AKAP6: variants seen among roughly 807,000 people sequenced by gnomAD.
AKAP6 encodes the protein A-kinase anchor protein 6.
In AKAP6, 58 loss-of-function variants were observed where a neutral mutation model predicts 188.5. That is an observed-to-expected ratio of 0.31 (90% CI 0.25 to 0.38). AKAP6 has a LOEUF of 0.38. Among genes scored for constraint, AKAP6 ranks in the 10% least tolerant of loss-of-function variants. The pLI, the probability that AKAP6 is intolerant of heterozygous loss-of-function variation, is 1.00. For synonymous variants in AKAP6, 989 were observed against 998.6 expected (o/e 0.99, Z 0.18); for missense variants, 2,710 against 2,740.0 (o/e 0.99, Z 0.24).
At chr14:32,661,989 C>T (rs942720144) in intron 7 of AKAP6, among the ~76,000 whole-genome samples, 3 of 151,988 alleles carry the variant, frequency 2.0e-5, no homozygotes, top group Non-Finnish European at 4.4e-5. Flanking sequence ...GAATATGACT[C>T]TCAATGATGA....
chr14:32,754,466 C>T (rs913271343), intron 11 of AKAP6, among the ~76,000 whole-genome samples: 2 of 152,048 alleles, frequency 1.3e-5, no homozygotes, highest in Non-Finnish European at 2.9e-5. Flanking sequence ...TATTCATTAC[C>T]AAACTATTTT....
Position 32,599,524 on chromosome 14 carries a change from A to G in AKAP6, c.2566+18A>G. 6.2e-7 allele frequency: 1 copy of G among 1,601,392 alleles called. No individual in the cohort carries two copies. Among genetic ancestry groups the G allele is most frequent in the Non-Finnish European group, 8.6e-7 (1 of 1,169,394 alleles). ...CAAAGCAGGTAAATCCTCCTGAAAT[A>G]TTGCAAGTCTTTACGTCTCCAGACT... is the stretch of plus-strand genomic sequence containing the variant. On this transcript the variant is annotated intron_variant, in intron 6 of 13. Coordinates refer to ENST00000280979, the MANE Select transcript of AKAP6 (RefSeq NM_004274.5).
intron 7 of AKAP6, among the ~76,000 whole-genome samples, chr14:32,604,205 A>AC (rs1220242860): frequency 6.6e-6 from 1 of 152,110 alleles, no homozygotes; most frequent in Non-Finnish European, 1.5e-5. Flanking sequence ...TTTTCATGTC[A>AC]CATTATGTGC....
At chr14:32,600,265 CATT>C (rs1885870637) in intron 6 of AKAP6, among the ~76,000 whole-genome samples, 2 of 152,136 alleles carry the variant, frequency 1.3e-5, no homozygotes, top group Non-Finnish European at 2.9e-5. Flanking sequence ...CAATTTTTAT[CATT>C]ATAAAGTCTC....
chr14:32,562,093 C>T (rs987716740), intron 4 of AKAP6, among the ~76,000 whole-genome samples: 29 of 152,108 alleles, frequency 1.9e-4, no homozygotes, highest in Non-Finnish European at 3.2e-4. Context: ...GCTTCATACG[C>T]TTTCCATTCT....
At chr14:32,588,210 T>C (rs1885335905) in intron 5 of AKAP6, among the ~76,000 whole-genome samples, 1 of 152,250 alleles carries the variant, frequency 6.6e-6, no homozygotes, top group South Asian at 2.1e-4. Context: ...GTTCAACAAC[T>C]GGCTTTTTCT....
intron 7 of AKAP6, among the ~76,000 whole-genome samples, chr14:32,624,210 G>T (rs1886924276): frequency 6.6e-6 from 1 of 152,138 alleles, no homozygotes; most frequent in Non-Finnish European, 1.5e-5. Flanking sequence ...AGTATTAGAA[G>T]ATACTTGTTG....
intron 5 of AKAP6, among the ~76,000 whole-genome samples, chr14:32,589,747 T>TGCA (rs1885404969): frequency 6.6e-6 from 1 of 152,242 alleles, no homozygotes; most frequent in Non-Finnish European, 1.5e-5. Context: ...AAATAATGAT[T>TGCA]GTTTTTAATT....
At chr14:32,610,651 T>C (rs897889424) in intron 7 of AKAP6, among the ~76,000 whole-genome samples, 1 of 152,114 alleles carries the variant, frequency 6.6e-6, no homozygotes, top group African/African-American at 2.4e-5. Flanking sequence ...AGAAGATGGA[T>C]TTTGTGGAGG....
At chr14:32,572,304 G>A (rs61983020) in intron 4 of AKAP6, among the ~76,000 whole-genome samples, 20,546 of 152,228 alleles carry the variant, frequency 0.13, 1,810 homozygotes, top group Non-Finnish European at 0.19. Context: ...ACTTCCTGCT[G>A]TATACTTCCC....
intron 12 of AKAP6, among the ~76,000 whole-genome samples, chr14:32,803,028 G>A (rs1193272464): frequency 6.6e-6 from 1 of 152,204 alleles, no homozygotes; most frequent in South Asian, 2.1e-4. Context: ...AACTCGGGAG[G>A]CAGAGGCTGC....
rs770780742 is a variant in AKAP6, at chr14:32,821,600, G to A, written c.3787G>A (p.Glu1263Lys). The change falls in exon 13 of 14, where the codon GAG becomes AAG. Residue 1263 changes from glutamate (E) to lysine (K), a missense_variant. By Grantham distance (56) the Glu-to-Lys change is moderately conservative (BLOSUM62 1). Around this residue, in one of 2 missense-constraint regions of AKAP6, gnomAD observed 2,473 missense variants for 2,426.1 expected, o/e 1.02. Transcript: ENST00000280979. The stretch of plus-strand genomic sequence containing the variant: ...AAGTAATGAGGACCCTGGTTATGAC[G>A]AGGAGGCTGATAACCATGGGGGATC... ...ETSNEDPGYD[E>K]EADNHGGSQY... 11 of 1,613,470 alleles carry A rather than the reference G, an allele frequency of 6.8e-6. No individual in the cohort carries two copies. Among genetic ancestry groups the A allele is most frequent in the South Asian group, 2.2e-5 (2 of 91,058 alleles).
intron 7 of AKAP6, among the ~76,000 whole-genome samples, chr14:32,615,727 C>T (rs1886549140): frequency 6.6e-6 from 1 of 151,596 alleles, no homozygotes; most frequent in Non-Finnish European, 1.5e-5. Context: ...TCCCAAATAG[C>T]TGGGACTACA....
chr14:32,335,842 C>CTTTTTTTTTTTTTTTTT (rs375076849), intron 1 of AKAP6, among the ~76,000 whole-genome samples: 1 of 94,026 alleles, frequency 1.1e-5, no homozygotes, highest in Non-Finnish European at 2.1e-5. Flanking sequence ...TCCTTTTCTC[C>CTTTTTTTTTTTTTTTTT]TTTTTTTTTT....
intron 11 of AKAP6, among the ~76,000 whole-genome samples, chr14:32,743,886 A>G (rs2031781604): frequency 6.6e-6 from 1 of 152,178 alleles, no homozygotes; most frequent in Non-Finnish European, 1.5e-5. Context: ...TTTTACCTTC[A>G]GGTGATTACT....
chr14:32,755,581 G>A (rs2032301302), intron 11 of AKAP6, among the ~76,000 whole-genome samples: 1 of 151,964 alleles, frequency 6.6e-6, no homozygotes. Flanking sequence ...AGGCTGTAGT[G>A]TAGCAGCATG....
chr14:32,596,747 G>A (rs1885720815), intron 5 of AKAP6, among the ~76,000 whole-genome samples: 1 of 152,092 alleles, frequency 6.6e-6, no homozygotes, highest in African/African-American at 2.4e-5. Context: ...GCTGAATAAT[G>A]GAAATGTGTT....
At chr14:32,475,131 CAG>C (rs1287353043) in intron 2 of AKAP6, among the ~76,000 whole-genome samples, 1 of 152,174 alleles carries the variant, frequency 6.6e-6, no homozygotes, top group Non-Finnish European at 1.5e-5. Context: ...ATAATAATCA[CAG>C]TGAACCTTTG....
Position 32,469,528 on chromosome 14 carries a change from T to C in AKAP6, c.324+35711T>C, listed in dbSNP as rs369555794. The stretch of plus-strand genomic sequence containing the variant: ...CTTGATCTGTAAGAAAGTGTAATAA[T>C]AACTAAATCATTATTTGAATGCTGA... On this transcript the variant is annotated intron_variant, in intron 2 of 13. Transcript: ENST00000280979. Among the ~76,000 whole-genome samples the C allele has an allele frequency of 1.6e-3, 239 of 150,290 alleles. 2 individuals are homozygous for C. The highest frequency in any genetic ancestry group is 5.8e-3 in the African/African-American group (231 of 39,692).
Sources: allele counts gnomAD v4.1 joint callset (sites outside exome capture counted in the v4.1 genomes callset), GRCh38; gene constraint gnomAD v4.1.1; regional missense constraint gnomAD v4.1.1; transcripts MANE v1.5; gene names NCBI Gene and HGNC (gene_info 2026-07-23, HGNC 2026-07-21).